GBE1: variants seen among roughly 807,000 people sequenced by gnomAD.
The protein encoded by GBE1 is 1,4-alpha-glucan branching enzyme 1.
In GBE1, 70 loss-of-function variants were observed where a neutral mutation model predicts 88.8. The ratio of observed to expected loss-of-function variants is 0.79; its 90% confidence interval spans 0.65 to 0.96. The LOEUF is 0.96. Ranked by LOEUF, GBE1 falls within the 40% of genes least tolerant of loss-of-function variation. The pLI, the probability that GBE1 is intolerant of heterozygous loss-of-function variation, is 0.00. For synonymous variants in GBE1, 284 were observed against 300.1 expected (o/e 0.95, Z 0.56); for missense variants, 872 against 871.0 (o/e 1.00, Z -0.01).
At chr3:81,693,165 C>T (rs991894075) in intron 2 of GBE1, among the ~76,000 whole-genome samples, 1 of 152,138 alleles carries the variant, frequency 6.6e-6, no homozygotes, top group African/African-American at 2.4e-5. Context: ...ATTACAGATT[C>T]TCTGGACATA....
chr3:81,735,766 A>C (rs1232811588), intron 1 of GBE1, among the ~76,000 whole-genome samples: 2 of 152,164 alleles, frequency 1.3e-5, no homozygotes, highest in African/African-American at 2.4e-5. Flanking sequence ...TCTCAAGGGA[A>C]ATCAGTCTCA....
intron 9 of GBE1, 95 bp from the exon 10 acceptor site, chr3:81,586,285 A>G: frequency 1.3e-6 from 1 of 749,690 alleles, no homozygotes. Context: ...TAATAGGGGA[A>G]TATATTTTTG....
intron 3 of GBE1, among the ~76,000 whole-genome samples, chr3:81,655,415 A>T (rs1704919912): frequency 6.6e-6 from 1 of 152,236 alleles, no homozygotes; most frequent in Non-Finnish European, 1.5e-5. Flanking sequence ...GTAATCAAAA[A>T]TTTGTAATTA....
At chr3:81,558,978 G>A (rs893054181) in intron 12 of GBE1, among the ~76,000 whole-genome samples, 4 of 152,066 alleles carry the variant, frequency 2.6e-5, no homozygotes, top group Admixed American at 2.0e-4. Flanking sequence ...TTAGTTGGGG[G>A]CAGCATATAC....
rs142242955 is a variant in GBE1 at position 81,650,727 on chromosome 3, C to T, written c.430-806G>A. On this transcript the variant is annotated intron_variant, in intron 3 of 15. Transcript: ENST00000429644. ...GTCACCCAGGTGGAGCACAGTGGTG[C>T]GATCGCAGCTCACTGCAGCCTCAAC... 1.3e-3 allele frequency among the ~76,000 whole-genome samples: 199 copies of T among 152,236 alleles called. 1 individual carries two copies. In the East Asian group the frequency reaches 0.032, roughly 25 times the overall value.
At chr3:81,609,316 T>C (rs1035591693) in intron 7 of GBE1, among the ~76,000 whole-genome samples, 26 of 152,246 alleles carry the variant, frequency 1.7e-4, no homozygotes, top group African/African-American at 6.0e-4. Context: ...TAATTACTAA[T>C]GAGGAAACTG....
chr3:81,632,924 T>C (rs1351060912), intron 7 of GBE1, among the ~76,000 whole-genome samples: 2 of 152,164 alleles, frequency 1.3e-5, no homozygotes, highest in Non-Finnish European at 2.9e-5. Flanking sequence ...TTTTGGTTTC[T>C]GACCTTGAGG....
At chr3:81,642,056 G>C (rs1704689577) in intron 7 of GBE1, among the ~76,000 whole-genome samples, 1 of 151,394 alleles carries the variant, frequency 6.6e-6, no homozygotes, top group African/African-American at 2.4e-5. Context: ...ATAAACACAA[G>C]TTCATGGTTT....
At chr3:81,524,228 G>A (rs1702912555) in intron 14 of GBE1, among the ~76,000 whole-genome samples, 1 of 151,780 alleles carries the variant, frequency 6.6e-6, no homozygotes, top group African/African-American at 2.4e-5. Flanking sequence ...GGTTTGATTT[G>A]CATTTCTTTT....
intron 12 of GBE1, among the ~76,000 whole-genome samples, chr3:81,542,597 C>A (rs942377033): frequency 6.6e-6 from 1 of 151,820 alleles, no homozygotes; most frequent in Admixed American, 6.6e-5. Context: ...CATTTTAGTG[C>A]CCTCTAAGAT....
At chr3:81,621,507 C>T (rs984380541) in intron 7 of GBE1, among the ~76,000 whole-genome samples, 2 of 152,096 alleles carry the variant, frequency 1.3e-5, no homozygotes, top group Non-Finnish European at 2.9e-5. Flanking sequence ...CTTTGGTCTC[C>T]TTATAAGGCT....
At chr3:81,750,589 G>GTATA (rs1225112913) in intron 1 of GBE1, among the ~76,000 whole-genome samples, 2 of 30,820 alleles carry the variant, frequency 6.5e-5, no homozygotes, top group Non-Finnish European at 1.1e-4. Context: ...ATATATATAC[G>GTATA]TATATATATA....
intron 15 of GBE1, among the ~76,000 whole-genome samples, chr3:81,498,044 T>C (rs1330369992): frequency 1.3e-5 from 2 of 152,190 alleles, no homozygotes; most frequent in Admixed American, 6.6e-5. Flanking sequence ...TACACCCATA[T>C]GCACACACAT....
At chr3:81,696,448 C>T (rs1384188645) in intron 2 of GBE1, among the ~76,000 whole-genome samples, 2 of 152,142 alleles carry the variant, frequency 1.3e-5, no homozygotes, top group Non-Finnish European at 2.9e-5. Flanking sequence ...GCAATTTGAA[C>T]TTAAAATGAA....
chr3:81,623,766 G>A (rs1366166887), intron 7 of GBE1, among the ~76,000 whole-genome samples: 1 of 152,132 alleles, frequency 6.6e-6, no homozygotes, highest in Non-Finnish European at 1.5e-5. Context: ...CTGGGCTCAG[G>A]CAGTCTTCCT....
intron 7 of GBE1, among the ~76,000 whole-genome samples, chr3:81,594,664 C>A (rs1301132591): frequency 6.6e-6 from 1 of 151,884 alleles, no homozygotes; most frequent in South Asian, 2.1e-4. Context: ...AACCTAATTA[C>A]CAAAAACCAC....
Position 81,535,091 on chromosome 3 carries a change from T to C in GBE1, c.1934+104A>G. The C allele has an allele frequency of 5.7e-6, 6 of 1,054,562 alleles. No individual in the cohort carries two copies. The South Asian group carries it at 9.4e-5, about 17-fold the overall frequency. The allele number at this position is 1,054,562 out of a possible 1,614,324, so 65.3% of individuals were successfully genotyped here. A position where few individuals can be genotyped will look rare whatever the true frequency, so the allele number is the denominator to read the frequency against. On this transcript the variant is annotated intron_variant, in intron 14 of 15. Transcript: ENST00000429644. ...ATTTTTCAGATGAGGAAAATGAATG[T>C]TTCTGTCATCAAGATCAACCTTAGT...
At chr3:81,753,745 T>C (rs978108090) in intron 1 of GBE1, among the ~76,000 whole-genome samples, 1 of 152,152 alleles carries the variant, frequency 6.6e-6, no homozygotes, top group Non-Finnish European at 1.5e-5. Context: ...TTAGTAAAGA[T>C]CTCAGCTGCA....
intron 1 of GBE1, among the ~76,000 whole-genome samples, chr3:81,747,900 C>T (rs1706439940): frequency 2.0e-5 from 3 of 152,166 alleles, no homozygotes; most frequent in Admixed American, 6.5e-5. Context: ...TTTTCGGACT[C>T]AGCCCGCCTG....
Sources: gnomAD v4.1 joint callset for allele counts (sites outside exome capture counted in the v4.1 genomes callset) on GRCh38, gnomAD v4.1.1 for gene constraint, MANE v1.5 for transcripts, NCBI Gene and HGNC (gene_info 2026-07-23, HGNC 2026-07-21) for gene names.